MACF1: variants seen among roughly 807,000 people sequenced by gnomAD.
MACF1 encodes the protein microtubule-actin cross-linking factor 1.
MACF1 carries 193 observed loss-of-function variants against 854.8 expected under a neutral mutation model. The ratio of observed to expected loss-of-function variants is 0.23; its 90% CI spans 0.20 to 0.25. MACF1 has a LOEUF of 0.25. Among genes scored for constraint, MACF1 ranks in the 10% least tolerant of loss-of-function variants. The pLI, the probability that MACF1 is intolerant of heterozygous loss-of-function variation, is 1.00. For missense variants in MACF1, 7,722 were observed against 8,929.1 expected (o/e 0.86, Z 5.45); for synonymous variants, 3,185 against 3,226.7 (o/e 0.99, Z 0.44).
At chr1:39,476,570 C>CAA (rs371894931) in intron 97 of MACF1, among the ~76,000 whole-genome samples, 10 of 135,348 alleles carry the variant, frequency 7.4e-5, no homozygotes, top group Non-Finnish European at 1.4e-4. Context: ...GACTCTGTCT[C>CAA]AAAAAAAAAA....
intron 35 of MACF1, among the ~76,000 whole-genome samples, chr1:39,326,547 G>T (rs1261322103): frequency 6.6e-6 from 1 of 151,968 alleles, no homozygotes; most frequent in Non-Finnish European, 1.5e-5. Context: ...TGGGTGTGGT[G>T]GCGGGCACGT....
rs1276561036 is a variant in MACF1 at position 39,283,563 on chromosome 1, G to T, written c.915+48G>T. 2.2e-6 allele frequency: 3 copies of T among 1,340,266 alleles called. No homozygotes were observed. In the Middle Eastern group the frequency reaches 5.4e-4, roughly 241 times the overall value. 83.0% of individuals were successfully genotyped at this position (1,340,266 alleles called of 1,614,324 possible). A position where few individuals can be genotyped will look rare whatever the true frequency, so the allele number is the denominator to read the frequency against. Reference sequence around the variant, plus strand: ...GGCCTTCTGACTTTGATTCATTTGGGTGAAATGCATTGGTTAGACACTTTC... The same window carrying T: ...GGCCTTCTGACTTTGATTCATTTGGTTGAAATGCATTGGTTAGACACTTTC... On this transcript the variant is annotated intron_variant, in intron 9 of 100. Coordinates refer to ENST00000564288, the MANE Select transcript of MACF1 (RefSeq NM_001394062.1). The surrounding 1 kb of genome is among the most constrained non-coding windows in gnomAD (Gnocchi z 4.5).
intron 26 of MACF1, among the ~76,000 whole-genome samples, chr1:39,311,296 A>G (rs189128978): frequency 8.2e-4 from 125 of 152,222 alleles, no homozygotes; most frequent in African/African-American, 2.4e-3. Context: ...TAGAGATGCT[A>G]CTCTTTTATT....
At position 39,300,245 on chromosome 1, in the gene MACF1, C is replaced by T. The variant is rs1202269669; in HGVS notation, c.2517C>T (p.Ser839=). The change falls in exon 22 of 101, where the codon TCC becomes TCT. Residue 839 remains serine (S), a synonymous_variant. Transcript: ENST00000564288. The part of the protein sequence containing the change: ...EKEQLIQSKS[S]VASLVGRSKT... The stretch of plus-strand genomic sequence containing the variant: ...AGCAGCTTATACAGTCCAAGAGTTC[C>T]GTTGCCAGTCTCGTTGGGAGATCAA... 4 of 1,613,760 alleles carry T rather than the reference C, an allele frequency of 2.5e-6. No homozygotes were observed. Among genetic ancestry groups the T allele is most frequent in the East Asian group, 2.2e-5 (1 of 44,892 alleles).
chr1:39,346,946 G>A, intron 40 of MACF1, 31 bp from the exon 41 acceptor site: 1 of 1,455,328 alleles, frequency 6.9e-7, no homozygotes, highest in Non-Finnish European at 9.5e-7. Flanking sequence ...ATGGTTTTTT[G>A]TGTTTTGTTT....
chr1:39,223,224 G>C (rs1298765652), intron 1 of MACF1, among the ~76,000 whole-genome samples: 1 of 152,158 alleles, frequency 6.6e-6, no homozygotes, highest in Non-Finnish European at 1.5e-5. Flanking sequence ...AACAAGGCTG[G>C]AAGTTTTTAT....
intron 56 of MACF1, among the ~76,000 whole-genome samples, chr1:39,384,232 C>T (rs1458696143): frequency 1.3e-5 from 2 of 152,030 alleles, no homozygotes; most frequent in Non-Finnish European, 2.9e-5. Context: ...AATTAGCCAC[C>T]CTATTCCATG....
At chr1:39,243,656 G>A (rs1160043121) in intron 2 of MACF1, among the ~76,000 whole-genome samples, 2 of 152,122 alleles carry the variant, frequency 1.3e-5, no homozygotes, top group African/African-American at 2.4e-5. Flanking sequence ...TCCTGTCTTG[G>A]CCTCCCAAAG....
chr1:39,300,461 G>A (rs761302024), intron 22 of MACF1, 99 bp downstream of exon 22: 56 of 1,152,988 alleles, frequency 4.9e-5, no homozygotes, highest in African/African-American at 1.0e-4. Context: ...AAATTACAGC[G>A]TTTTTAAAAT....
At chr1:39,464,836 C>T (rs987542570) in intron 94 of MACF1, 22 of 408,372 alleles carry the variant, frequency 5.4e-5, no homozygotes, top group Admixed American at 2.6e-4. Context: ...ATTGCTTGAA[C>T]GCCGGGGTCG....
chr1:39,204,403 G>T, upstream of MACF1: 1 of 152,960 alleles, frequency 6.5e-6, no homozygotes, highest in Non-Finnish European at 1.5e-5. Context: ...ATCCTCCCTG[G>T]ACTGATGTTC....
At chr1:39,117,645 G>A (rs1642582590) in intron 2 of MACF1, among the ~76,000 whole-genome samples, 1 of 151,830 alleles carries the variant, frequency 6.6e-6, no homozygotes, top group Non-Finnish European at 1.5e-5. Flanking sequence ...TGTGTATACA[G>A]ACTTCCTCTA....
chr1:39,223,012 A>G (rs1644672501), intron 1 of MACF1, among the ~76,000 whole-genome samples: 1 of 152,226 alleles, frequency 6.6e-6, no homozygotes, highest in South Asian at 2.1e-4. Context: ...AGAGTAGGAC[A>G]GATAAACAAG....
chr1:39,138,956 C>T (rs1213278171), intron 2 of MACF1, among the ~76,000 whole-genome samples: 1 of 152,170 alleles, frequency 6.6e-6, no homozygotes, highest in African/African-American at 2.4e-5. Flanking sequence ...TAAGCCACCG[C>T]GCCTGGCCTA....
rs183390132 is a variant in MACF1 at position 39,337,057 on chromosome 1, T to C, written c.10066-125T>C. The C allele has an allele frequency of 1.3e-4, 111 of 831,636 alleles. No individual in the cohort carries two copies. In the African/African-American group the frequency reaches 1.7e-3, roughly 13 times the overall value. The allele number at this position is 831,636 out of a possible 1,614,324, so 51.5% of individuals were successfully genotyped here. On this transcript the variant is annotated intron_variant, in intron 37 of 100. Transcript: ENST00000564288. ...TTGAAATGACTTAAACAAAGTGTTT[T>C]ATTTTATCCCACTCTATGTGCAGTA... is the stretch of plus-strand genomic sequence containing the variant.
At chr1:39,095,290 C>T (rs1032881279) in intron 2 of MACF1, among the ~76,000 whole-genome samples, 8 of 151,734 alleles carry the variant, frequency 5.3e-5, no homozygotes, top group South Asian at 2.1e-4. Context: ...CGGCTGGGTG[C>T]GGTGGCTCAC....
In MACF1 at chr1:39,442,450, C is replaced by A; in HGVS notation, c.18987C>A (p.Phe6329Leu). ...LEGALLALGQ[F>L]QHALEELMSW... is the part of the protein sequence containing the mutation. ...GGGCTCTGTTGGCCCTTGGTCAGTT[C>A]CAGCATGCCTTAGAGGAACTAATGA... Residue 6329 changes from phenylalanine to leucine, a missense_variant, in exon 77 of 101, where the codon TTC becomes TTA. Coordinates refer to ENST00000564288, the MANE Select transcript of MACF1 (RefSeq NM_001394062.1). 6.2e-7 allele frequency: 1 copy of A among 1,614,156 alleles called. No individual in the cohort carries two copies. Among genetic ancestry groups the A allele is most frequent in the Non-Finnish European group, 8.5e-7 (1 of 1,180,024 alleles).
chr1:39,234,964 T>C (rs1200660703), intron 2 of MACF1, among the ~76,000 whole-genome samples: 1 of 143,296 alleles, frequency 7.0e-6, no homozygotes, highest in Non-Finnish European at 1.5e-5. Flanking sequence ...AGGGAAGAGG[T>C]GCTCCTCACT....
In MACF1 at chr1:39,380,322, T is replaced by C. The variant is rs1379453411; in HGVS notation, c.13597T>C (p.Tyr4533His). 2.5e-6 allele frequency: 4 copies of C among 1,613,590 alleles called. No individual in the cohort carries two copies. The African/African-American group carries it at 5.3e-5, about 22-fold the overall frequency. Residue 4533 changes from tyrosine (Y) to histidine (H), a missense_variant, in exon 55 of 101, where the codon TAT becomes CAT. By Grantham distance (83) the Tyr-to-His change is moderately conservative. Around this residue, in one of 15 missense-constraint regions of MACF1, gnomAD observed 2,807 missense variants for 3,235.8 expected, o/e 0.87. Coordinates refer to ENST00000564288, the MANE Select transcript of MACF1 (RefSeq NM_001394062.1). ...KEALAGLLVTYPNSQEAENWK... is the reference protein window; with the variant it reads ...KEALAGLLVTHPNSQEAENWK... ...AGCCCTGGCTGGATTACTGGTGACA[T>C]ATCCCAACTCACAGGAAGCAGAAAA... is the stretch of plus-strand genomic sequence containing the variant.
Sources: allele counts gnomAD v4.1 joint callset (sites outside exome capture counted in the v4.1 genomes callset), GRCh38; gene constraint gnomAD v4.1.1; regional missense constraint gnomAD v4.1.1; non-coding constraint Gnocchi (gnomAD v3.1); transcripts MANE v1.5; gene names NCBI Gene and HGNC (gene_info 2026-07-23, HGNC 2026-07-21).